The following PVT1 variants were observed in gnomAD, a reference collection of about 807,000 sequenced individuals.
PVT1 encodes the protein CXCR4/PVT1 fusion.
intron 4 of PVT1, among the ~76,000 whole-genome samples, chr8:128,026,158 G>T (rs2130062371): frequency 6.6e-6 from 1 of 152,146 alleles, no homozygotes; most frequent in African/African-American, 2.4e-5. Context: ...GGCCAGGCTG[G>T]TCTCAAACTC....
At chr8:127,867,252 G>A (rs1815295221) in intron 2 of PVT1, among the ~76,000 whole-genome samples, 1 of 152,246 alleles carries the variant, frequency 6.6e-6, no homozygotes, top group South Asian at 2.1e-4. Flanking sequence ...GGGCACACTT[G>A]CCTGGGAGGG....
At chr8:127,867,046 G>A (rs1004868998) in intron 2 of PVT1, among the ~76,000 whole-genome samples, 1 of 152,348 alleles carries the variant, frequency 6.6e-6, no homozygotes, top group Middle Eastern at 3.4e-3. Flanking sequence ...CGCCTGAATG[G>A]TGAAGCTCTA....
intron 2 of PVT1, among the ~76,000 whole-genome samples, chr8:127,798,206 A>G (rs1346894152): frequency 6.6e-6 from 1 of 151,916 alleles, no homozygotes; most frequent in Non-Finnish European, 1.5e-5. Flanking sequence ...TGGGAGTCTG[A>G]GGCAGGAGAA....
Position 127,825,242 on chromosome 8 carries a change from G to C in PVT1, n.372+29171G>C, listed in dbSNP as rs59100644. Among the ~76,000 whole-genome samples, 1,136 of 151,916 alleles carry C rather than the reference G, an allele frequency of 7.5e-3. 18 individuals carry two copies. Among genetic ancestry groups the C allele is most frequent in the African/African-American group, 0.026 (1,085 of 41,424 alleles). ...TATGTGTGCAGAAACCTATAGGATA[G>C]ATTTCTGCAAGAATTATCAAGTCAA... On this transcript the variant is annotated intron_variant and non_coding_transcript_variant, in intron 2 of 10. Coordinates refer to ENST00000651587, the Ensembl canonical transcript of PVT1.
chr8:127,800,270 G>A (rs141334135), intron 2 of PVT1, among the ~76,000 whole-genome samples: 2 of 152,192 alleles, frequency 1.3e-5, no homozygotes, highest in East Asian at 3.9e-4. Flanking sequence ...TTCATTTCCT[G>A]AGCAGTTGCT....
At chr8:127,872,497 A>G (rs1815362307) in intron 2 of PVT1, among the ~76,000 whole-genome samples, 1 of 152,226 alleles carries the variant, frequency 6.6e-6, no homozygotes, top group Non-Finnish European at 1.5e-5. Flanking sequence ...TGGATGCCCC[A>G]TTTACCCTGA....
At chr8:127,950,269 A>G (rs1350635756) in intron 3 of PVT1, among the ~76,000 whole-genome samples, 2 of 152,228 alleles carry the variant, frequency 1.3e-5, no homozygotes, top group Non-Finnish European at 2.9e-5. Flanking sequence ...TTAGCACCCA[A>G]TAGCCCCGTG....
At chr8:127,864,432 GCTCC>G (rs1815264210) in intron 2 of PVT1, among the ~76,000 whole-genome samples, 1 of 152,310 alleles carries the variant, frequency 6.6e-6, no homozygotes, top group East Asian at 1.9e-4. Flanking sequence ...CTGGATGCCT[GCTCC>G]TGGCCCTTGG....
intron 4 of PVT1, among the ~76,000 whole-genome samples, chr8:128,038,021 C>A (rs1813485695): frequency 6.6e-6 from 1 of 152,162 alleles, no homozygotes; most frequent in Non-Finnish European, 1.5e-5. Flanking sequence ...GTGGGAGTTC[C>A]TGATCTGGGT....
intron 3 of PVT1, among the ~76,000 whole-genome samples, chr8:127,955,301 C>G (rs1269470799): frequency 6.6e-6 from 1 of 152,162 alleles, no homozygotes; most frequent in Non-Finnish European, 1.5e-5. Context: ...ACACCTTCAA[C>G]TTGATCTTCT....
At chr8:128,026,880 A>G (rs575065131) in intron 4 of PVT1, among the ~76,000 whole-genome samples, 8 of 152,274 alleles carry the variant, frequency 5.3e-5, no homozygotes, top group Admixed American at 5.2e-4. Context: ...GCCTCATTCC[A>G]TAGAAGAGAT....
At chr8:127,877,780 G>T (rs1407762303) in intron 2 of PVT1, among the ~76,000 whole-genome samples, 1 of 151,990 alleles carries the variant, frequency 6.6e-6, no homozygotes, top group East Asian at 1.9e-4. Context: ...ACAAAAATTA[G>T]CAGGGCATGG....
Position 128,082,449 on chromosome 8 carries a change from T to G in PVT1, n.1114+12088T>G, listed in dbSNP as rs567832173. 7.9e-5 allele frequency among the ~76,000 whole-genome samples: 12 copies of G among 152,344 alleles called. No individual in the cohort carries two copies. In the East Asian group the frequency reaches 2.3e-3, roughly 29 times the overall value. Reference sequence around the variant, plus strand: ...TGATCTTAACCTTGTGACTTCTAGCTGCAATGTTCCCATCATGGGGTAGCA... The same window carrying G: ...TGATCTTAACCTTGTGACTTCTAGCGGCAATGTTCCCATCATGGGGTAGCA... On this transcript the variant is annotated intron_variant and non_coding_transcript_variant, in intron 5 of 10. Transcript: ENST00000651587.
intron 2 of PVT1, among the ~76,000 whole-genome samples, chr8:127,850,226 G>A (rs1815092831): frequency 6.6e-6 from 1 of 152,182 alleles, no homozygotes; most frequent in Admixed American, 6.5e-5. Flanking sequence ...TTAGGCAAAG[G>A]TGTGCCTCCC....
At chr8:127,984,905 CTTT>C (rs1563657575) in intron 3 of PVT1, among the ~76,000 whole-genome samples, 11 of 96,206 alleles carry the variant, frequency 1.1e-4, no homozygotes, top group Non-Finnish European at 2.0e-4. Flanking sequence ...TTCTTTCTTT[CTTT>C]CTTTCTTTCT....
intron 2 of PVT1, among the ~76,000 whole-genome samples, chr8:127,816,461 A>G (rs1814660846): frequency 6.6e-6 from 1 of 150,896 alleles, no homozygotes; most frequent in African/African-American, 2.4e-5. Flanking sequence ...TCTTATCTTG[A>G]ATGTTGATGT....
chr8:127,991,366 G>T (rs1817039391), intron 4 of PVT1, among the ~76,000 whole-genome samples: 1 of 151,734 alleles, frequency 6.6e-6, no homozygotes, highest in East Asian at 1.9e-4. Context: ...GGATAGTCTT[G>T]ATCTCCTGAC....
intron 2 of PVT1, among the ~76,000 whole-genome samples, chr8:127,832,722 G>A (rs192679380): frequency 0.031 from 4,754 of 152,262 alleles, 272 homozygotes; most frequent in African/African-American, 0.11. Context: ...GCCGGGCGTG[G>A]TGGCGGGTGC....
rs112567055 is a variant in PVT1, at chr8:127,910,685, A to G, written n.782+19687A>G. On this transcript the variant is annotated intron_variant and non_coding_transcript_variant, in intron 3 of 10. Coordinates refer to ENST00000651587, the Ensembl canonical transcript of PVT1. The stretch of plus-strand genomic sequence containing the variant: ...CAGTGCGAATTTGGTCTCATCTGTT[A>G]AATAATTTAATTCCTGTAATAATCC... 6.0e-3 allele frequency among the ~76,000 whole-genome samples: 913 copies of G among 152,260 alleles called. 9 individuals are homozygous for G. Among genetic ancestry groups the G allele is most frequent in the African/African-American group, 0.021 (876 of 41,526 alleles).
Sources: allele counts gnomAD v4.1 joint callset (sites outside exome capture counted in the v4.1 genomes callset), GRCh38; gene constraint gnomAD v4.1.1; transcripts MANE v1.5; gene names NCBI Gene and HGNC (gene_info 2026-07-23, HGNC 2026-07-21).